Variants in TBC1D5 observed in about 807,000 individuals in gnomAD.
The protein encoded by TBC1D5 is TBC1 domain family, member 5.
TBC1D5 carries 75 observed loss-of-function variants against 100.3 expected under a neutral mutation model. That is an observed-to-expected ratio of 0.75 (90% CI 0.62 to 0.91). The LOEUF (loss-of-function observed/expected upper bound fraction) is 0.91, where lower values mean the gene tolerates loss of function less well. Ranked by LOEUF, TBC1D5 falls within the 40% of genes least tolerant of loss-of-function variation. TBC1D5 has a pLI of 0.00. For missense variants in TBC1D5, 910 were observed against 942.4 expected (o/e 0.97, Z 0.45); for synonymous variants, 323 against 325.6 (o/e 0.99, Z 0.09).
chr3:17,693,513 G>A (rs949603668), intron 1 of TBC1D5, among the ~76,000 whole-genome samples: 9 of 152,208 alleles, frequency 5.9e-5, no homozygotes, highest in African/African-American at 1.7e-4. Context: ...ACCACGAGGC[G>A]GCAGCCTGGC....
chr3:17,207,825 T>C (rs936320476), intron 18 of TBC1D5, among the ~76,000 whole-genome samples: 1 of 152,220 alleles, frequency 6.6e-6, no homozygotes. Flanking sequence ...TAGCTACTAC[T>C]ATATTATTTT....
chr3:17,211,969 G>A (rs1241251377), intron 18 of TBC1D5, among the ~76,000 whole-genome samples: 1 of 152,164 alleles, frequency 6.6e-6, no homozygotes, highest in Admixed American at 6.5e-5. Flanking sequence ...TTGCAGATAA[G>A]GTGGTTAAAA....
intron 13 of TBC1D5, among the ~76,000 whole-genome samples, chr3:17,350,992 A>C (rs2090504467): frequency 6.6e-6 from 1 of 152,210 alleles, no homozygotes; most frequent in East Asian, 1.9e-4. Context: ...CATGCATTCT[A>C]ATATTCAAGC....
At chr3:17,633,684 G>A (rs2063676036) in intron 1 of TBC1D5, among the ~76,000 whole-genome samples, 1 of 151,756 alleles carries the variant, frequency 6.6e-6, no homozygotes, top group Non-Finnish European at 1.5e-5. Flanking sequence ...AATATACTTT[G>A]GATTAGAATC....
chr3:17,422,290 T>C lies in TBC1D5; in HGVS notation c.167+6160A>G, dbSNP rs187970788. 5.3e-5 allele frequency among the ~76,000 whole-genome samples: 8 copies of C among 152,260 alleles called. No individual in the cohort carries two copies. In the East Asian group the frequency reaches 1.5e-3, roughly 29 times the overall value. The stretch of plus-strand genomic sequence containing the variant: ...TTCAAGTGATTCTTGTGCCTCAGAC[T>C]TCCGAGTAGCTGGGATTACAGGTGT... On this transcript the variant is annotated intron_variant, in intron 4 of 21. Transcript: ENST00000253692.
chr3:17,467,248 A>G (rs1389929839), intron 3 of TBC1D5, among the ~76,000 whole-genome samples: 2 of 147,152 alleles, frequency 1.4e-5, no homozygotes, highest in African/African-American at 5.0e-5. Flanking sequence ...GCTAACTATT[A>G]AGTCCACCTA....
chr3:17,362,279 A>T (rs1432448066), intron 13 of TBC1D5, among the ~76,000 whole-genome samples: 1 of 152,230 alleles, frequency 6.6e-6, no homozygotes, highest in Non-Finnish European at 1.5e-5. Context: ...TTGATAAATT[A>T]GGTTTCAACA....
At chr3:17,669,967 C>T (rs563429563) in intron 1 of TBC1D5, among the ~76,000 whole-genome samples, 1 of 152,184 alleles carries the variant, frequency 6.6e-6, no homozygotes, top group Admixed American at 6.5e-5. Flanking sequence ...CTCACTGCAA[C>T]CTCCGCCTCC....
At chr3:17,371,967 G>T (rs754296177) in intron 13 of TBC1D5, 108 bp downstream of exon 13, 1 of 1,060,378 alleles carries the variant, frequency 9.4e-7, no homozygotes, top group African/African-American at 1.6e-5. Context: ...AGCCCAGGGG[G>T]CAGAGTTTGC....
intron 3 of TBC1D5, among the ~76,000 whole-genome samples, chr3:17,443,090 C>A (rs1559895470): frequency 6.6e-6 from 1 of 152,052 alleles, no homozygotes; most frequent in Non-Finnish European, 1.5e-5. Context: ...AAAATATGAT[C>A]AATTATCAAA....
At chr3:17,192,840 G>A (rs1372292945) in intron 18 of TBC1D5, among the ~76,000 whole-genome samples, 1 of 152,254 alleles carries the variant, frequency 6.6e-6, no homozygotes, top group Non-Finnish European at 1.5e-5. Context: ...AAGCACTGCG[G>A]TGTCCCACCG....
chr3:17,297,859 G>A (rs2082420337), intron 14 of TBC1D5, among the ~76,000 whole-genome samples: 2 of 151,976 alleles, frequency 1.3e-5, no homozygotes, highest in South Asian at 4.2e-4. Context: ...CAAAGTGCTG[G>A]GATTACAGGC....
chr3:17,209,406 C>G (rs1487956228), intron 18 of TBC1D5, among the ~76,000 whole-genome samples: 1 of 152,206 alleles, frequency 6.6e-6, no homozygotes, highest in Non-Finnish European at 1.5e-5. Context: ...CCAACTCAGC[C>G]TCCCTAAGTG....
intron 13 of TBC1D5, among the ~76,000 whole-genome samples, chr3:17,328,384 C>A (rs924239462): frequency 6.6e-6 from 1 of 152,132 alleles, no homozygotes; most frequent in Non-Finnish European, 1.5e-5. Context: ...TCCTCTCCAT[C>A]CATTTCCATG....
At chr3:17,561,882 G>C (rs2096561493) in intron 2 of TBC1D5, 1 of 152,146 alleles carries the variant, frequency 6.6e-6, no homozygotes. Context: ...TGCAAGGGCA[G>C]TTAAAGATTA....
chr3:17,661,196 C>T (rs181873560), intron 1 of TBC1D5, among the ~76,000 whole-genome samples: 1 of 152,282 alleles, frequency 6.6e-6, no homozygotes, highest in East Asian at 1.9e-4. Context: ...AAGGACACTC[C>T]GCTCAATCAG....
chr3:17,174,577 C>G (rs192567417), intron 19 of TBC1D5, among the ~76,000 whole-genome samples: 41 of 147,104 alleles, frequency 2.8e-4, no homozygotes, highest in African/African-American at 8.9e-4. Flanking sequence ...TCCCCTAGAA[C>G]CTGTTTTGTC....
At chr3:17,403,776 GA>G (rs1559811155) in intron 7 of TBC1D5, among the ~76,000 whole-genome samples, 1 of 152,084 alleles carries the variant, frequency 6.6e-6, no homozygotes, top group Non-Finnish European at 1.5e-5. Flanking sequence ...AATCCCCTGT[GA>G]ATAATGAGAA....
rs144931792 is a variant in TBC1D5, at chr3:17,498,516, T to C, written c.97+9958A>G. Among the ~76,000 whole-genome samples, 515 of 152,252 alleles carry C rather than the reference T, an allele frequency of 3.4e-3. 2 individuals are homozygous for C. The highest frequency in any genetic ancestry group is 0.017 in the Middle Eastern group (5 of 294). On this transcript the variant is annotated intron_variant, in intron 3 of 21. Transcript: ENST00000253692. Reference sequence around the variant, plus strand: ...AAAGAATCATTGTGGAAACATTTACTTGGAAACACTAAAAACTCAAAGACA... The same window carrying C: ...AAAGAATCATTGTGGAAACATTTACCTGGAAACACTAAAAACTCAAAGACA...
Sources: gnomAD v4.1 joint callset for allele counts (sites outside exome capture counted in the v4.1 genomes callset) on GRCh38, gnomAD v4.1.1 for gene constraint, MANE v1.5 for transcripts, NCBI Gene and HGNC (gene_info 2026-07-23, HGNC 2026-07-21) for gene names.